Variants in ASIC2 observed in about 807,000 individuals in gnomAD.
ASIC2 encodes acid sensing ion channel subunit 2, also known as acid-sensing ion channel 2.
ASIC2 carries 25 observed loss-of-function variants against 57.3 expected under a neutral mutation model. The ratio of observed to expected loss-of-function variants is 0.44; its 90% CI spans 0.32 to 0.61. ASIC2 has a LOEUF of 0.61. Among genes scored for constraint, ASIC2 ranks in the 20% least tolerant of loss-of-function variants. The pLI is 0.06. For synonymous variants in ASIC2, 319 were observed against 307.5 expected, an observed-to-expected ratio of 1.04 and a Z score of -0.39; for missense variants, 641 against 738.1, an observed-to-expected ratio of 0.87 and a Z score of 1.52.
At chr17:33,600,279 T>C (rs1905090159) in intron 1 of ASIC2, among the ~76,000 whole-genome samples, 1 of 152,234 alleles carries the variant, frequency 6.6e-6, no homozygotes, top group African/African-American at 2.4e-5. Context: ...TCCTCTCTCT[T>C]TTGTCCTTGT....
chr17:33,905,064 T>C (rs1313769391), intron 1 of ASIC2, among the ~76,000 whole-genome samples: 2 of 152,040 alleles, frequency 1.3e-5, no homozygotes, highest in South Asian at 4.2e-4. Flanking sequence ...CACAAATGTT[T>C]CTTATGGAAT....
At chr17:33,735,058 T>C (rs1444764161) in intron 1 of ASIC2, among the ~76,000 whole-genome samples, 1 of 152,214 alleles carries the variant, frequency 6.6e-6, no homozygotes, top group Non-Finnish European at 1.5e-5. Flanking sequence ...CTGAGATCCC[T>C]GTATGATTCT....
At position 34,132,399 on chromosome 17, in the gene ASIC2, G is replaced by C. The variant is rs113938350; in HGVS notation, c.555+23579C>G. 3.3e-5 allele frequency among the ~76,000 whole-genome samples: 5 copies of C among 152,280 alleles called. No homozygotes were observed. In the East Asian group the frequency reaches 9.7e-4, roughly 29 times the overall value. ...AGACGGGTTGCGGCTGCTGGCTGGG[G>C]ATGGAGTGCGAGCCGGGTGGAGGCC... On this transcript the variant is annotated intron_variant, in intron 1 of 9. Coordinates refer to the ASIC2 transcript ENST00000359872.
chr17:33,846,077 A>C (rs1417749176), intron 1 of ASIC2, among the ~76,000 whole-genome samples: 1 of 152,238 alleles, frequency 6.6e-6, no homozygotes, highest in East Asian at 1.9e-4. Flanking sequence ...AAATGTCCAA[A>C]GGGAGGAGAC....
At position 34,044,119 on chromosome 17, in the gene ASIC2, C is replaced by T. The variant is rs202202741; in HGVS notation, c.555+111859G>A. Among the ~76,000 whole-genome samples the T allele has an allele frequency of 6.4e-3, 364 of 56,674 alleles. 2 individuals carry two copies. Among genetic ancestry groups the T allele is most frequent in the African/African-American group, 0.05 (338 of 6,718 alleles). The allele number at this position is 56,674 out of a possible 152,430, so 37.2% of individuals were successfully genotyped here. ...CTTGAATCACACACACACACACACA[C>T]ACACACGCACGCACACACACACACA... On this transcript the variant is annotated intron_variant, in intron 1 of 9. Transcript: ENST00000359872.
At chr17:33,517,801 T>C (rs1396519247) in intron 1 of ASIC2, among the ~76,000 whole-genome samples, 1 of 152,014 alleles carries the variant, frequency 6.6e-6, no homozygotes, top group Non-Finnish European at 1.5e-5. Context: ...TATACATATG[T>C]AACAAACCTG....
intron 1 of ASIC2, among the ~76,000 whole-genome samples, chr17:33,518,946 G>A (rs901263743): frequency 1.3e-5 from 2 of 151,814 alleles, no homozygotes; most frequent in African/African-American, 4.8e-5. Context: ...TCAGCCTCCC[G>A]AGTAGCTGGG....
At chr17:33,444,777 C>T (rs1311903790) in intron 1 of ASIC2, among the ~76,000 whole-genome samples, 1 of 152,186 alleles carries the variant, frequency 6.6e-6, no homozygotes, top group Non-Finnish European at 1.5e-5. Flanking sequence ...ACAGCTCACC[C>T]CTAGCTGCCC....
intron 1 of ASIC2, among the ~76,000 whole-genome samples, chr17:34,035,532 G>A (rs1012541518): frequency 2.6e-5 from 4 of 151,416 alleles, no homozygotes; most frequent in Non-Finnish European, 4.4e-5. Flanking sequence ...ATTGACAAAT[G>A]GGATCTAATT....
intron 1 of ASIC2, among the ~76,000 whole-genome samples, chr17:33,239,007 A>AAAAC (rs200716725): frequency 3.5e-4 from 53 of 151,704 alleles, no homozygotes; most frequent in South Asian, 8.3e-4. Context: ...CTGTCTCAAA[A>AAAAC]AAACAAACAA....
At chr17:33,651,457 C>T (rs1167125525) in intron 1 of ASIC2, among the ~76,000 whole-genome samples, 1 of 152,154 alleles carries the variant, frequency 6.6e-6, no homozygotes, top group Non-Finnish European at 1.5e-5. Flanking sequence ...TTAGAACTGT[C>T]GCCACTCGTC....
At chr17:33,330,532 G>C (rs960594013) in intron 1 of ASIC2, among the ~76,000 whole-genome samples, 1 of 152,172 alleles carries the variant, frequency 6.6e-6, no homozygotes, top group Non-Finnish European at 1.5e-5. Flanking sequence ...TACAGACAAG[G>C]AAACTGGAGC....
chr17:33,062,824 T>C (rs1290098526), intron 3 of ASIC2, among the ~76,000 whole-genome samples: 1 of 151,866 alleles, frequency 6.6e-6, no homozygotes, highest in East Asian at 1.9e-4. Context: ...TCTAAGGACT[T>C]GCTTTATGAA....
intron 3 of ASIC2, among the ~76,000 whole-genome samples, chr17:33,038,292 C>G (rs141688583): frequency 9.8e-4 from 149 of 152,326 alleles, no homozygotes; most frequent in African/African-American, 3.4e-3. Context: ...CACCTTGGCT[C>G]TCTTTACAAT....
intron 1 of ASIC2, among the ~76,000 whole-genome samples, chr17:33,736,744 C>T (rs571121625): frequency 1.3e-5 from 2 of 152,274 alleles, no homozygotes; most frequent in South Asian, 2.1e-4. Context: ...TGACCTTTCA[C>T]ACTTTCCCTA....
chr17:33,649,846 A>G (rs1906862453), intron 1 of ASIC2, among the ~76,000 whole-genome samples: 2 of 152,234 alleles, frequency 1.3e-5, no homozygotes, highest in Non-Finnish European at 2.9e-5. Flanking sequence ...ACCTCAACCT[A>G]AGCCTTACTT....
At chr17:33,620,560 A>G (rs1905759986) in intron 1 of ASIC2, among the ~76,000 whole-genome samples, 1 of 152,170 alleles carries the variant, frequency 6.6e-6, no homozygotes, top group South Asian at 2.1e-4. Flanking sequence ...TGAGAAGTGA[A>G]ATCATCCTTA....
At chr17:33,452,935 A>G (rs1385716415) in intron 1 of ASIC2, among the ~76,000 whole-genome samples, 1 of 151,794 alleles carries the variant, frequency 6.6e-6, no homozygotes, top group African/African-American at 2.4e-5. Flanking sequence ...TCTACATGCC[A>G]GTATTTAGCA....
In ASIC2 at chr17:33,292,628, G is replaced by A. The variant is rs572127781; in HGVS notation, c.-513C>T. The A allele has an allele frequency of 2.0e-4, 202 of 985,596 alleles. No homozygotes were observed. The African/African-American group carries it at 3.1e-3, about 15-fold the overall frequency. The allele number at this position is 985,596 out of a possible 1,614,324, so 61.1% of individuals were successfully genotyped here. On this transcript the variant is annotated 5_prime_UTR_variant, in exon 1 of 10. Coordinates refer to ENST00000225823, the MANE Select transcript of ASIC2 (RefSeq NM_183377.2). ...AGGGACCCCACCAGCCCGGCCCGTA[G>A]CCCAGCGGTGCTGGGACACGGGAGA...
Sources: gnomAD v4.1 joint callset for allele counts (sites outside exome capture counted in the v4.1 genomes callset) on GRCh38, gnomAD v4.1.1 for gene constraint, MANE v1.5 for transcripts, NCBI Gene and HGNC (gene_info 2026-07-23, HGNC 2026-07-21) for gene names.